The following USH2A variants were observed in gnomAD, a reference collection of about 807,000 sequenced individuals.
USH2A encodes Usher syndrome 2A (autosomal recessive, mild).
In USH2A, 443 loss-of-function variants were observed where a neutral mutation model predicts 538.9. The observed-to-expected ratio is 0.82, with a 90% CI of 0.76 to 0.89. The LOEUF (loss-of-function observed/expected upper bound fraction) is 0.89, where lower values mean the gene tolerates loss of function less well. USH2A is among the 40% of genes least tolerant of loss of function. The probability of loss-of-function intolerance (pLI) is 0.00; values close to 1 mark genes in which losing one functional copy is unlikely to be tolerated. For missense variants in USH2A, 6,633 were observed against 6,324.8 expected (o/e 1.05, Z -1.65); for synonymous variants, 2,413 against 2,273.5 (o/e 1.06, Z -1.75).
intron 61 of USH2A, among the ~76,000 whole-genome samples, chr1:215,683,270 C>G (rs1265942114): frequency 6.7e-6 from 1 of 150,264 alleles, no homozygotes; most frequent in Non-Finnish European, 1.5e-5. Flanking sequence ...CACACACAAA[C>G]CACATATAGA....
chr1:216,340,020 C>T (rs1160403160), intron 4 of USH2A, among the ~76,000 whole-genome samples: 1 of 151,632 alleles, frequency 6.6e-6, no homozygotes, highest in Admixed American at 6.6e-5. Flanking sequence ...ACACGAAAAA[C>T]CCTTCAAAAA....
At chr1:216,023,479 A>AAAAAAAAAAAAAAAAAAAAAAG (rs1668891922) in intron 32 of USH2A, among the ~76,000 whole-genome samples, 1 of 148,210 alleles carries the variant, frequency 6.7e-6, no homozygotes, top group South Asian at 2.2e-4. Context: ...AAAAAAAAAA[A>AAAAAAAAAAAAAAAAAAAAAAG]AAATCAAAAA....
At chr1:216,417,836 T>C (rs1050841315) in intron 3 of USH2A, among the ~76,000 whole-genome samples, 9 of 152,090 alleles carry the variant, frequency 5.9e-5, no homozygotes, top group Non-Finnish European at 1.0e-4. Context: ...AATGGACTAA[T>C]ACACCTGGTT....
intron 2 of USH2A, among the ~76,000 whole-genome samples, chr1:216,420,087 C>T (rs1169633314): frequency 6.6e-6 from 1 of 151,772 alleles, no homozygotes; most frequent in Non-Finnish European, 1.5e-5. Context: ...TTTAACCCTT[C>T]AGTAGTTGAA....
chr1:215,712,614 C>T (rs1189073573), intron 61 of USH2A, among the ~76,000 whole-genome samples: 1 of 152,136 alleles, frequency 6.6e-6, no homozygotes, highest in East Asian at 1.9e-4. Context: ...CTTGGCTGGC[C>T]TCTTGGCTGG....
At chr1:216,221,005 T>C (rs907663046) in intron 14 of USH2A, among the ~76,000 whole-genome samples, 4 of 152,068 alleles carry the variant, frequency 2.6e-5, no homozygotes, top group Admixed American at 2.0e-4. Flanking sequence ...CGGCAGAGTT[T>C]TTTTGTTTGT....
At chr1:216,177,781 G>T (rs555012377) in intron 20 of USH2A, among the ~76,000 whole-genome samples, 1 of 152,080 alleles carries the variant, frequency 6.6e-6, no homozygotes, top group Non-Finnish European at 1.5e-5. Context: ...GGTTTGTTTT[G>T]GTTTGATTTT....
intron 32 of USH2A, among the ~76,000 whole-genome samples, chr1:216,041,147 AT>A (rs748817600): frequency 2.0e-5 from 3 of 152,028 alleles, no homozygotes; most frequent in East Asian, 3.9e-4. Flanking sequence ...TTACCTTTGA[AT>A]ACAGAATGAA....
At chr1:215,915,500 G>A (rs1476151909) in intron 38 of USH2A, among the ~76,000 whole-genome samples, 1 of 152,048 alleles carries the variant, frequency 6.6e-6, no homozygotes, top group Non-Finnish European at 1.5e-5. Flanking sequence ...TTCTTAGTCT[G>A]TTACTCTCTC....
chr1:216,173,993 T>C, intron 21 of USH2A: 3 of 985,330 alleles, frequency 3.0e-6, no homozygotes, highest in African/African-American at 3.5e-5. Context: ...CATTTTTAGC[T>C]CAATGGTTCA....
At chr1:216,031,743 CT>C (rs1558221700) in intron 32 of USH2A, among the ~76,000 whole-genome samples, 1 of 152,206 alleles carries the variant, frequency 6.6e-6, no homozygotes, top group Non-Finnish European at 1.5e-5. Flanking sequence ...AACTTAGCAC[CT>C]TTGATAATCT....
intron 15 of USH2A, among the ~76,000 whole-genome samples, chr1:216,212,592 G>C (rs1017641193): frequency 6.6e-6 from 1 of 151,886 alleles, no homozygotes; most frequent in South Asian, 2.1e-4. Flanking sequence ...GTCAAATATT[G>C]ATTGGACTCT....
chr1:216,396,194 A>T (rs1331990185), intron 3 of USH2A, among the ~76,000 whole-genome samples: 1 of 152,232 alleles, frequency 6.6e-6, no homozygotes, highest in African/African-American at 2.4e-5. Context: ...TACAAAAAAA[A>T]ATCTTGAATC....
At chr1:216,320,596 TC>T (rs1272614107) in intron 9 of USH2A, among the ~76,000 whole-genome samples, 1 of 152,188 alleles carries the variant, frequency 6.6e-6, no homozygotes, top group Non-Finnish European at 1.5e-5. Flanking sequence ...AAGGTTATAT[TC>T]CCACAAGTAC....
chr1:215,994,545 G>A (rs1312539220), intron 34 of USH2A, among the ~76,000 whole-genome samples: 1 of 152,030 alleles, frequency 6.6e-6, no homozygotes, highest in Admixed American at 6.6e-5. Context: ...ATGTCTTCAG[G>A]ATAATTTCTT....
intron 41 of USH2A, among the ~76,000 whole-genome samples, 191 bp downstream of exon 41, chr1:215,888,235 A>G (rs1665114859): frequency 6.6e-6 from 1 of 152,206 alleles, no homozygotes; most frequent in Non-Finnish European, 1.5e-5. Context: ...AATTAAGGGG[A>G]TACAGGGATA....
At chr1:215,725,077 A>G (rs1659771764) in intron 61 of USH2A, among the ~76,000 whole-genome samples, 1 of 152,144 alleles carries the variant, frequency 6.6e-6, no homozygotes, top group African/African-American at 2.4e-5. Context: ...TCTGTTGCCC[A>G]GGTTGGAGTG....
At chr1:215,634,342 GA>G in intron 70 of USH2A, 116 bp downstream of exon 70, 1 of 1,543,220 alleles carries the variant, frequency 6.5e-7, no homozygotes, top group Non-Finnish European at 8.9e-7. Flanking sequence ...CACACTTAGT[GA>G]AACATAACTT....
rs142454459 is a variant in USH2A, at chr1:216,281,812, C to T, written c.1971+7468G>A. Among the ~76,000 whole-genome samples the T allele has an allele frequency of 4.9e-3, 744 of 150,936 alleles. 7 individuals are homozygous for T. The highest frequency in any genetic ancestry group is 0.018 in the African/African-American group (726 of 41,104). ...GCACATTTTACATTCTCACAGGCAG[C>T]CTATGAGAAGACTCCAATTTCTCCA... On this transcript the variant is annotated intron_variant, in intron 11 of 71. Coordinates refer to ENST00000307340, the MANE Select transcript of USH2A (RefSeq NM_206933.4).
Sources: allele counts gnomAD v4.1 joint callset (sites outside exome capture counted in the v4.1 genomes callset), GRCh38; gene constraint gnomAD v4.1.1; transcripts MANE v1.5; gene names NCBI Gene and HGNC (gene_info 2026-07-23, HGNC 2026-07-21).